Variants in ADGRA2 observed in about 807,000 individuals in gnomAD.
The protein encoded by ADGRA2 is adhesion G protein-coupled receptor A2, also known as G-protein coupled receptor 124.
Under a neutral mutation model 98.7 loss-of-function variants are expected in ADGRA2, and 61 were observed. The observed-to-expected ratio is 0.62, with a 90% CI of 0.50 to 0.76. ADGRA2 has a LOEUF of 0.76. Among genes scored for constraint, ADGRA2 ranks in the 30% least tolerant of loss-of-function variants. ADGRA2 has a pLI of 0.00. For synonymous variants in ADGRA2, 858 were observed against 831.5 expected, an observed-to-expected ratio of 1.03 and a Z score of -0.55; for missense variants, 1,712 against 1,860.0, an observed-to-expected ratio of 0.92 and a Z score of 1.46.
chr8:37,841,876 C>G lies in ADGRA2; in HGVS notation c.3538C>G (p.Arg1180Gly), dbSNP rs145526357. The change falls in exon 19 of 19, where the codon CGT becomes GGT. Residue 1180 changes from arginine (R) to glycine (G), a missense_variant. By Grantham distance (125) the Arg-to-Gly change is moderately radical. Coordinates refer to ENST00000412232, the MANE Select transcript of ADGRA2 (RefSeq NM_032777.10). This position sits in a 1 kb window ranked among gnomAD's most constrained non-coding sequence, Gnocchi z 5.0. ...CCACCCCAACAACGTGCACCACGGG[C>G]GTCGGGCGCACAAGAGCCGGGCCAA... ...HRHPNNVHHGRRAHKSRAKGH... is the reference protein window; with the variant it reads ...HRHPNNVHHGGRAHKSRAKGH... The G allele has an allele frequency of 4.2e-3, 6,371 of 1,534,758 alleles. 222 individuals are homozygous for G. In the East Asian group the frequency reaches 0.092, roughly 22 times the overall value.
chr8:37,837,693 C>G (rs1000048165), intron 13 of ADGRA2, 38 bp from the exon 14 acceptor site: 1 of 1,510,426 alleles, frequency 6.6e-7, no homozygotes, highest in Non-Finnish European at 9.0e-7. Flanking sequence ...CCCTGACACC[C>G]TGTGTGTGTC....
chr8:37,839,231 C>T, intron 15 of ADGRA2, 148 bp downstream of exon 15: 1 of 1,257,670 alleles, frequency 8.0e-7, no homozygotes, highest in Non-Finnish European at 1.1e-6. Flanking sequence ...AGGAAACCTC[C>T]CAGCATGGGT....
intron 2 of ADGRA2, among the ~76,000 whole-genome samples, chr8:37,819,050 G>GATGTGA (rs1303900401): frequency 6.6e-5 from 10 of 152,200 alleles, no homozygotes; most frequent in Non-Finnish European, 1.3e-4. Flanking sequence ...AGACAGGTAG[G>GATGTGA]ATGTGATGCC....
chr8:37,841,008 T>C lies in ADGRA2; in HGVS notation c.2748-78T>C. On this transcript the variant is annotated intron_variant, in intron 18 of 18. Coordinates refer to ENST00000412232, the MANE Select transcript of ADGRA2 (RefSeq NM_032777.10). The surrounding 1 kb of genome is among the most constrained non-coding windows in gnomAD (Gnocchi z 5.0). Reference sequence around the variant, plus strand: ...TTGTCTCCGTACTCACCATATCCTGTCTCCCCAACCACCCCGGCCCCCAGC... The same window carrying C: ...TTGTCTCCGTACTCACCATATCCTGCCTCCCCAACCACCCCGGCCCCCAGC... The C allele has an allele frequency of 7.2e-7, 1 of 1,397,578 alleles. No homozygotes were observed. The highest frequency in any genetic ancestry group is 1.3e-5 in the South Asian group (1 of 77,256). The allele number at this position is 1,397,578 out of a possible 1,614,324, so 86.6% of individuals were successfully genotyped here. A position where few individuals can be genotyped will look rare whatever the true frequency, so the allele number is the denominator to read the frequency against.
chr8:37,815,030 G>GGGA, intron 2 of ADGRA2, 63 bp downstream of exon 2: 1 of 1,120,470 alleles, frequency 8.9e-7, no homozygotes, highest in Non-Finnish European at 1.4e-6. Flanking sequence ...GGTCACCCCG[G>GGGA]GGAGGAGGAG....
chr8:37,809,476 G>A (rs984015301), intron 1 of ADGRA2, among the ~76,000 whole-genome samples: 1 of 152,124 alleles, frequency 6.6e-6, no homozygotes, highest in Non-Finnish European at 1.5e-5. Context: ...ACCTCTCCAG[G>A]TTGTTAAGGC....
At chr8:37,804,074 G>A (rs529507734) in intron 1 of ADGRA2, among the ~76,000 whole-genome samples, 1 of 145,512 alleles carries the variant, frequency 6.9e-6, no homozygotes, top group South Asian at 2.2e-4. Flanking sequence ...TCTACCCCCA[G>A]GGAGGGGCCA....
Position 37,835,785 on chromosome 8 carries a change from T to TCCCCG in ADGRA2, c.2050+24_2050+28dup, listed in dbSNP as rs1563351467. 1.3e-6 allele frequency: 2 copies of TCCCCG among 1,536,186 alleles called. No individual in the cohort carries two copies. The highest frequency in any genetic ancestry group is 2.3e-5 in the East Asian group (1 of 44,282). On this transcript the variant is annotated intron_variant, in intron 13 of 18. Coordinates refer to ENST00000412232, the MANE Select transcript of ADGRA2 (RefSeq NM_032777.10). ...CGCAGGAACCAGTAAGGGACTGAAT[T>TCCCCG]CCCCGCCCCGCCCAGGGTGCCTCTC...
intron 1 of ADGRA2, among the ~76,000 whole-genome samples, chr8:37,808,798 TTTTC>T (rs1483094351): frequency 2.6e-5 from 4 of 152,044 alleles, no homozygotes; most frequent in Admixed American, 6.6e-5. Context: ...AGAAAAACTT[TTTTC>T]TTTCTTTATT....
At chr8:37,822,418 C>CACACACACACAG (rs1330099159) in intron 2 of ADGRA2, among the ~76,000 whole-genome samples, 2,745 of 146,478 alleles carry the variant, frequency 0.019, 38 homozygotes, top group Middle Eastern at 0.051. Context: ...CAGTCACATG[C>CACACACACACAG]TCTTTAACTC....
chr8:37,842,298 G>A lies in ADGRA2; in HGVS notation c.3960G>A (p.Glu1320=), dbSNP rs1373097807. 1 of 1,554,252 alleles carries A rather than the reference G, an allele frequency of 6.4e-7. No individual in the cohort carries two copies. Among genetic ancestry groups the A allele is most frequent in the Middle Eastern group, 1.7e-4 (1 of 5,814 alleles). The change falls in exon 19 of 19, where the codon GAG becomes GAA. Residue 1320 remains glutamate (E), a synonymous_variant. Transcript: ENST00000412232. ...KYDDVTLMGA[E]VASGGCMKTG... Reference sequence around the variant, plus strand: ...ACGACGTCACCCTGATGGGCGCGGAGGTAGCCAGCGGCGGCTGCATGAAGA... The same window carrying A: ...ACGACGTCACCCTGATGGGCGCGGAAGTAGCCAGCGGCGGCTGCATGAAGA...
At position 37,841,025 on chromosome 8, in the gene ADGRA2, GC is replaced by G; in HGVS notation, c.2748-56del. The G allele has an allele frequency of 7.1e-7, 1 of 1,411,642 alleles. No individual in the cohort carries two copies. Among genetic ancestry groups the G allele is most frequent in the Non-Finnish European group, 9.8e-7 (1 of 1,023,644 alleles). 87.4% of individuals were successfully genotyped at this position (1,411,642 alleles called of 1,614,324 possible). ...ATATCCTGTCTCCCCAACCACCCCG[GC>G]CCCCAGCCCCACCCCAGCCATGCCC... On this transcript the variant is annotated intron_variant, in intron 18 of 18. Transcript: ENST00000412232. This position sits in a 1 kb window ranked among gnomAD's most constrained non-coding sequence, Gnocchi z 5.0.
chr8:37,836,078 CA>C (rs1414093754), intron 13 of ADGRA2, among the ~76,000 whole-genome samples: 24 of 151,136 alleles, frequency 1.6e-4, no homozygotes, highest in East Asian at 7.8e-4. Context: ...CACACACACA[CA>C]CACACACACA....
chr8:37,822,139 G>A (rs1223588266), intron 2 of ADGRA2, among the ~76,000 whole-genome samples: 1 of 152,126 alleles, frequency 6.6e-6, no homozygotes, highest in Non-Finnish European at 1.5e-5. Context: ...AGAGACAAGA[G>A]GCACCTGGAG....
intron 5 of ADGRA2, 144 bp downstream of exon 5, chr8:37,829,703 C>T: frequency 1.0e-6 from 1 of 968,282 alleles, no homozygotes; most frequent in Non-Finnish European, 1.6e-6. Flanking sequence ...GATCACCTTC[C>T]CGCGATGGCC....
Position 37,833,095 on chromosome 8 carries a change from C to A in ADGRA2, c.1183C>A (p.Pro395Thr), listed in dbSNP as rs772813438. 1.9e-6 allele frequency: 3 copies of A among 1,611,842 alleles called. No homozygotes were observed. Among genetic ancestry groups the A allele is most frequent in the Non-Finnish European group, 2.5e-6 (3 of 1,179,614 alleles). ...CTCAGTGCCCCTGGGCGGGGGTGCC[C>A]CGGGCACCCGAGCCTCCCGCCGGTG... The part of the protein sequence containing the change: ...FTSVPLGGGA[P>T]GTRASRRCDR... The change falls in exon 9 of 19, where the codon CCG (proline) becomes ACG (threonine). Residue 395 changes from proline to threonine, a missense_variant. Coordinates refer to ENST00000412232, the MANE Select transcript of ADGRA2 (RefSeq NM_032777.10).
chr8:37,820,976 G>A (rs867735572), intron 2 of ADGRA2, among the ~76,000 whole-genome samples: 22 of 152,292 alleles, frequency 1.4e-4, no homozygotes, highest in African/African-American at 4.8e-4. Flanking sequence ...AGATAGGATA[G>A]ACAGGAAGAC....
Position 37,797,434 on chromosome 8 carries a change from G to T in ADGRA2, c.166G>T (p.Gly56Cys). ...GGGGGAGCGGCCCAAGGGGCTGAGC[G>T]GCGGCGTCCCTGGCCCGGCTCGGCG... Reference protein sequence around the residue: ...CSGERPKGLSGGVPGPARRRV... With the variant: ...CSGERPKGLSCGVPGPARRRV... Residue 56 changes from glycine to cysteine, a missense_variant, in exon 1 of 19, where the codon GGC (glycine) becomes TGC (cysteine). Physicochemically the swap from Gly to Cys is radical, Grantham distance 159. Transcript: ENST00000412232. This position sits in a 1 kb window ranked among gnomAD's most constrained non-coding sequence, Gnocchi z 5.3. 2 of 1,420,034 alleles carry T rather than the reference G, an allele frequency of 1.4e-6. No homozygotes were observed. The highest frequency in any genetic ancestry group is 1.8e-6 in the Non-Finnish European group (2 of 1,085,052). 88.0% of individuals were successfully genotyped at this position (1,420,034 alleles called of 1,614,324 possible). A position where few individuals can be genotyped will look rare whatever the true frequency, so the allele number is the denominator to read the frequency against.
At chr8:37,833,347 C>T (rs1009807752) in intron 9 of ADGRA2, 139 bp downstream of exon 9, 12 of 718,560 alleles carry the variant, frequency 1.7e-5, no homozygotes, top group Admixed American at 2.9e-5. Context: ...GAGCCAGGAG[C>T]CGGCTCCTCT....
Sources: gnomAD v4.1 joint callset for allele counts (sites outside exome capture counted in the v4.1 genomes callset) on GRCh38, gnomAD v4.1.1 for gene constraint, Gnocchi (gnomAD v3.1) non-coding constraint, MANE v1.5 for transcripts, NCBI Gene and HGNC (gene_info 2026-07-23, HGNC 2026-07-21) for gene names.